Variants in ZNF385D observed in about 807,000 individuals in gnomAD.
ZNF385D encodes zinc finger protein 659.
Under a neutral mutation model 35.8 loss-of-function variants are expected in ZNF385D, and 15 were observed. The observed-to-expected ratio is 0.42, with a 90% CI of 0.28 to 0.64. The LOEUF (loss-of-function observed/expected upper bound fraction) is 0.64. Among genes scored for constraint, ZNF385D ranks in the 30% least tolerant of loss-of-function variants. The pLI is 0.23. For missense variants in ZNF385D, 474 were observed against 494.6 expected, an observed-to-expected ratio of 0.96 and a Z score of 0.39; for synonymous variants, 212 against 186.8, an observed-to-expected ratio of 1.13 and a Z score of -1.10.
intron 3 of ZNF385D, among the ~76,000 whole-genome samples, chr3:21,768,335 C>T (rs911666910): frequency 6.6e-6 from 1 of 151,948 alleles, no homozygotes; most frequent in Non-Finnish European, 1.5e-5. Flanking sequence ...ATTACATTAA[C>T]ATAAGAAATA....
intron 3 of ZNF385D, among the ~76,000 whole-genome samples, chr3:22,151,823 G>T (rs987300565): frequency 2.6e-5 from 4 of 152,124 alleles, no homozygotes; most frequent in African/African-American, 9.7e-5. Context: ...ACAAGGGCTA[G>T]AAGAAAATTC....
intron 4 of ZNF385D, among the ~76,000 whole-genome samples, chr3:21,468,806 G>A (rs1703695784): frequency 2.6e-5 from 4 of 152,078 alleles, no homozygotes; most frequent in Admixed American, 6.6e-5. Flanking sequence ...CCCATAGTCT[G>A]TAGTCCCAGC....
At chr3:22,050,728 A>G (rs1273084898) in intron 3 of ZNF385D, among the ~76,000 whole-genome samples, 1 of 152,190 alleles carries the variant, frequency 6.6e-6, no homozygotes, top group African/African-American at 2.4e-5. Flanking sequence ...TGATTCTGAA[A>G]TTATATTAAT....
intron 3 of ZNF385D, among the ~76,000 whole-genome samples, chr3:21,826,779 A>C (rs921731754): frequency 4.6e-5 from 7 of 151,540 alleles, no homozygotes; most frequent in Non-Finnish European, 8.8e-5. Context: ...CTGTTCACAT[A>C]AACAGAGAAA....
At chr3:22,265,037 T>C (rs1044085574) in intron 2 of ZNF385D, among the ~76,000 whole-genome samples, 1 of 151,928 alleles carries the variant, frequency 6.6e-6, no homozygotes, top group Admixed American at 6.6e-5. Flanking sequence ...AACATATTAT[T>C]GAACACCTTC....
intron 4 of ZNF385D, among the ~76,000 whole-genome samples, chr3:21,504,986 C>G (rs998270204): frequency 6.6e-6 from 1 of 152,080 alleles, no homozygotes; most frequent in Non-Finnish European, 1.5e-5. Context: ...AAACATAGAT[C>G]TACAAGGCCA....
chr3:22,014,400 C>T lies in ZNF385D; in HGVS notation c.325+154417G>A, dbSNP rs147823687. 4.6e-3 allele frequency among the ~76,000 whole-genome samples: 705 copies of T among 152,182 alleles called. 5 individuals are homozygous for T. Among genetic ancestry groups the T allele is most frequent in the African/African-American group, 0.016 (656 of 41,522 alleles). Reference sequence around the variant, plus strand: ...CAGTGAAATCTCGAAAGATAACAATCCTACAAGATGCCAGAGAAAAGAAAG... The same window carrying T: ...CAGTGAAATCTCGAAAGATAACAATTCTACAAGATGCCAGAGAAAAGAAAG... On this transcript the variant is annotated intron_variant, in intron 3 of 5. Transcript: ENST00000494108.
intron 3 of ZNF385D, among the ~76,000 whole-genome samples, chr3:21,990,043 G>T (rs545599943): frequency 1.3e-5 from 2 of 152,078 alleles, no homozygotes; most frequent in African/African-American, 4.8e-5. Context: ...ATTTTTAAAA[G>T]GTACATTTTA....
At chr3:21,694,198 C>A (rs185207919) in intron 1 of ZNF385D, among the ~76,000 whole-genome samples, 23 of 151,420 alleles carry the variant, frequency 1.5e-4, no homozygotes, top group African/African-American at 5.1e-4. Flanking sequence ...CGCCCGCCAC[C>A]ACGCCCGGCT....
At chr3:21,670,380 G>C (rs2066529226) in intron 1 of ZNF385D, among the ~76,000 whole-genome samples, 1 of 151,690 alleles carries the variant, frequency 6.6e-6, no homozygotes, top group Non-Finnish European at 1.5e-5. Flanking sequence ...CATATAGCAG[G>C]AAATCATACA....
At chr3:22,218,216 CTTTAA>C (rs1488707020) in intron 2 of ZNF385D, among the ~76,000 whole-genome samples, 1 of 152,040 alleles carries the variant, frequency 6.6e-6, no homozygotes, top group African/African-American at 2.4e-5. Flanking sequence ...ATTGAGTCTT[CTTTAA>C]TTTTATTTAG....
At chr3:21,704,365 C>A (rs185560804) in intron 1 of ZNF385D, among the ~76,000 whole-genome samples, 8 of 152,166 alleles carry the variant, frequency 5.3e-5, no homozygotes, top group Admixed American at 2.0e-4. Context: ...GTGTAAACCC[C>A]CTCAGAGTCC....
intron 4 of ZNF385D, among the ~76,000 whole-genome samples, chr3:21,508,254 G>T (rs1706938663): frequency 6.6e-6 from 1 of 152,090 alleles, no homozygotes; most frequent in Non-Finnish European, 1.5e-5. Flanking sequence ...ATCTTCAAAA[G>T]ACAAATCCAA....
chr3:21,763,858 T>C (rs1470270736), intron 3 of ZNF385D, among the ~76,000 whole-genome samples: 1 of 152,218 alleles, frequency 6.6e-6, no homozygotes, highest in African/African-American at 2.4e-5. Context: ...GACATTAAAA[T>C]GTTTTCATTA....
At chr3:21,741,797 C>T (rs1190263208) in intron 1 of ZNF385D, among the ~76,000 whole-genome samples, 1 of 152,144 alleles carries the variant, frequency 6.6e-6, no homozygotes, top group African/African-American at 2.4e-5. Flanking sequence ...CCATTAGAGT[C>T]TTGCAGGGGA....
chr3:22,185,994 G>C (rs1268287942), intron 2 of ZNF385D, among the ~76,000 whole-genome samples: 2 of 152,108 alleles, frequency 1.3e-5, no homozygotes, highest in African/African-American at 4.8e-5. Context: ...GCTTGTTTTA[G>C]TTCAACTTTT....
At chr3:22,113,177 G>A (rs1245203752) in intron 3 of ZNF385D, among the ~76,000 whole-genome samples, 1 of 152,036 alleles carries the variant, frequency 6.6e-6, no homozygotes, top group East Asian at 1.9e-4. Flanking sequence ...AAGAATGGGG[G>A]TGGGCTATGG....
intron 2 of ZNF385D, among the ~76,000 whole-genome samples, chr3:22,293,234 G>A (rs1224624247): frequency 6.6e-6 from 1 of 151,946 alleles, no homozygotes. Flanking sequence ...TGGAGAGCAA[G>A]CCCCATTATT....
intron 2 of ZNF385D, among the ~76,000 whole-genome samples, chr3:22,172,060 C>G (rs1409816426): frequency 6.6e-6 from 1 of 152,062 alleles, no homozygotes; most frequent in East Asian, 1.9e-4. Context: ...AGAAAAAGTT[C>G]AGCAGTCATA....
Sources: allele counts gnomAD v4.1 joint callset (sites outside exome capture counted in the v4.1 genomes callset), GRCh38; gene constraint gnomAD v4.1.1; transcripts MANE v1.5; gene names NCBI Gene and HGNC (gene_info 2026-07-23, HGNC 2026-07-21).